Variants in DSP observed in about 807,000 individuals in gnomAD.
DSP encodes desmoplakin, also known as 250/210 kDa paraneoplastic pemphigus antigen.
Under a neutral mutation model 290.6 loss-of-function variants are expected in DSP, and 114 were observed. The observed-to-expected ratio is 0.39, with a 90% CI of 0.34 to 0.46. DSP has a LOEUF of 0.46. Among genes scored for constraint, DSP ranks in the 20% least tolerant of loss-of-function variants. DSP has a pLI of 0.99. For missense variants in DSP, 3,230 were observed against 3,495.8 expected, an observed-to-expected ratio of 0.92 and a Z score of 1.92; for synonymous variants, 1,311 against 1,316.4, an observed-to-expected ratio of 1.00 and a Z score of 0.09.
chr6:7,559,467 A>C (rs1182518287), intron 4 of DSP, 67 bp downstream of exon 4: 3 of 1,601,126 alleles, frequency 1.9e-6, no homozygotes, highest in Admixed American at 3.4e-5. Flanking sequence ...GGGTCAGCCC[A>C]TGTGTTTGTG....
Position 7,584,836 on chromosome 6 carries a change from G to T in DSP, c.7574G>T (p.Gly2525Val). 6.2e-7 allele frequency: 1 copy of T among 1,614,170 alleles called. No homozygotes were observed. Among genetic ancestry groups the T allele is most frequent in the Non-Finnish European group, 8.5e-7 (1 of 1,180,024 alleles). ...GTGGTCCTGGTAGATAGAAAGACAG[G>T]CAGTCAGTATGATATTCAAGATGCT... is the stretch of plus-strand genomic sequence containing the variant. ...TRVVLVDRKT[G>V]SQYDIQDAID... is the part of the protein sequence containing the mutation. The change falls in exon 24 of 24, where the codon GGC becomes GTC. Residue 2525 changes from glycine (G) to valine (V), a missense_variant. Physicochemically the swap from Gly to Val is moderately radical, Grantham distance 109. This residue lies in a region of DSP where 582 missense variants were observed against 555.4 expected (regional missense o/e 1.05). Transcript: ENST00000379802. This position sits in a 1 kb window ranked among gnomAD's most constrained non-coding sequence, Gnocchi z 6.4.
chr6:7,577,979 C>T (rs1298879970), intron 21 of DSP, 93 bp downstream of exon 21: 12 of 1,020,840 alleles, frequency 1.2e-5, no homozygotes, highest in Non-Finnish European at 1.8e-5. Context: ...TCCCTGTCTC[C>T]TGCCTGTCTT....
chr6:7,565,371 G>C lies in DSP; in HGVS notation c.790G>C (p.Glu264Gln). ...ACCTCCTGTGCAGAAAGCGTCCTTT[G>C]AGAGGATGGATCACCTGCGACAGCT... The part of the protein sequence containing the change: ...EYENLLKASF[E>Q]RMDHLRQLQN... The change falls in exon 7 of 24, where the codon GAG becomes CAG. Residue 264 changes from glutamate (E) to glutamine (Q), a missense_variant. Coordinates refer to ENST00000379802, the MANE Select transcript of DSP (RefSeq NM_004415.4). This position sits in a 1 kb window ranked among gnomAD's most constrained non-coding sequence, Gnocchi z 4.2. The C allele has an allele frequency of 1.2e-6, 2 of 1,614,052 alleles. No homozygotes were observed. The highest frequency in any genetic ancestry group is 8.5e-7 in the Non-Finnish European group (1 of 1,180,014).
rs779233408 is a variant in DSP at position 7,581,176 on chromosome 6, G to A, written c.4986G>A (p.Glu1662=). ...EELRRLSSEV[E]ALRRQLLQEQ... is the part of the protein sequence containing the mutation. ...TGAGGAGGCTCTCTTCTGAGGTCGAGGCCCTGAGGCGGCAGTTACTCCAGG... is the reference window on the plus strand; with the variant it reads ...TGAGGAGGCTCTCTTCTGAGGTCGAAGCCCTGAGGCGGCAGTTACTCCAGG... The change falls in exon 23 of 24, where the codon GAG becomes GAA. Residue 1662 remains glutamate (E), a synonymous_variant. Transcript: ENST00000379802. 2 of 1,614,178 alleles carry A rather than the reference G, an allele frequency of 1.2e-6. No homozygotes were observed. Among genetic ancestry groups the A allele is most frequent in the South Asian group, 1.1e-5 (1 of 91,088 alleles).
In DSP at chr6:7,580,942, G is replaced by A. The variant is rs201213622; in HGVS notation, c.4752G>A (p.Ala1584=). ...AGCTGAATCGGCTGAAGAGGACCGC[G>A]TCAGAAGACTCCTGCAAGAGGAAGA... The part of the protein sequence containing the change: ...EEELNRLKRT[A]SEDSCKRKKL... The change falls in exon 23 of 24, where the codon GCG becomes GCA. Residue 1584 remains alanine (A), a synonymous_variant. Transcript: ENST00000379802. This position sits in a 1 kb window ranked among gnomAD's most constrained non-coding sequence, Gnocchi z 4.2. 57 of 1,614,120 alleles carry A rather than the reference G, an allele frequency of 3.5e-5. No individual in the cohort carries two copies. The East Asian group carries it at 4.0e-4, about 11-fold the overall frequency.
chr6:7,552,451 T>TA (rs1269803944), intron 1 of DSP, among the ~76,000 whole-genome samples: 2 of 150,656 alleles, frequency 1.3e-5, no homozygotes, highest in African/African-American at 4.9e-5. Flanking sequence ...TAGTCCCAGC[T>TA]ACTCCAGAGG....
chr6:7,567,260 C>T, intron 8 of DSP, 94 bp from the exon 9 acceptor site: 2 of 993,746 alleles, frequency 2.0e-6, no homozygotes, highest in Admixed American at 3.4e-5. Context: ...ATAAAAACTG[C>T]TTACTAGCTT....
intron 1 of DSP, 146 bp downstream of exon 1, chr6:7,542,231 G>T (rs1175979628): frequency 8.8e-7 from 1 of 1,137,886 alleles, no homozygotes; most frequent in Non-Finnish European, 1.2e-6. Context: ...GCCGCGCTGG[G>T]AGCAGGACCG....
At chr6:7,560,511 G>A (rs1758648216) in intron 4 of DSP, among the ~76,000 whole-genome samples, 1 of 152,190 alleles carries the variant, frequency 6.6e-6, no homozygotes, top group African/African-American at 2.4e-5. Context: ...CACATTTCTT[G>A]AGGATTTTAT....
intron 2 of DSP, among the ~76,000 whole-genome samples, chr6:7,557,709 A>G (rs1758541574): frequency 6.6e-6 from 1 of 152,100 alleles, no homozygotes; most frequent in Non-Finnish European, 1.5e-5. Context: ...TAAAAAAAGA[A>G]CTAAAACATT....
rs1220579806 is a variant in DSP at position 7,574,120 on chromosome 6, T to C, written c.2165T>C (p.Val722Ala). 6.2e-7 allele frequency: 1 copy of C among 1,614,118 alleles called. No homozygotes were observed. The highest frequency in any genetic ancestry group is 1.1e-5 in the South Asian group (1 of 91,080). ...VQNDSQAIAEVLNQLKDMLAN... is the reference protein window; with the variant it reads ...VQNDSQAIAEALNQLKDMLAN... ...AATGATTCACAAGCAATTGCTGAGG[T>C]TCTCAACCAGCTTAAAGATATGCTT... Residue 722 changes from valine to alanine, a missense_variant, in exon 16 of 24, where the codon GTT becomes GCT. This residue lies in a region of DSP where 1,714 missense variants were observed against 1,844.5 expected (regional missense o/e 0.93). Coordinates refer to ENST00000379802, the MANE Select transcript of DSP (RefSeq NM_004415.4).
chr6:7,555,303 A>C (rs1758474427), intron 1 of DSP, among the ~76,000 whole-genome samples: 1 of 152,144 alleles, frequency 6.6e-6, no homozygotes, highest in Non-Finnish European at 1.5e-5. Flanking sequence ...GTCAATTGTA[A>C]ATTTTCTGCT....
Position 7,586,214 on chromosome 6 carries a change from C to A in DSP, c.*336C>A. The A allele has an allele frequency of 4.9e-6, 1 of 204,712 alleles. No homozygotes were observed. Among genetic ancestry groups the A allele is most frequent in the Non-Finnish European group, 9.9e-6 (1 of 101,250 alleles). 12.7% of individuals were successfully genotyped at this position (204,712 alleles called of 1,614,324 possible). ...TTTTGGAAGCCTATAATACAGTTTT[C>A]TATTCTTGGAGATAAAAATTAAATG... On this transcript the variant is annotated 3_prime_UTR_variant, in exon 24 of 24. Coordinates refer to ENST00000379802, the MANE Select transcript of DSP (RefSeq NM_004415.4).
intron 3 of DSP, among the ~76,000 whole-genome samples, chr6:7,558,753 A>G (rs1342712999): frequency 2.6e-5 from 4 of 152,116 alleles, no homozygotes; most frequent in African/African-American, 7.2e-5. Context: ...GGCTCAAGCA[A>G]TCCTCCGTCT....
At position 7,567,868 on chromosome 6, in the gene DSP, C is replaced by G; in HGVS notation, c.1228C>G (p.Pro410Ala). ...GAAGTACCCCTGCGACAAGAACATG[C>G]CCCTGCAGCACCTGCTGGAACAGAT... ...RKKYPCDKNM[P>A]LQHLLEQIKE... The change falls in exon 10 of 24, where the codon CCC (proline) becomes GCC (alanine). Residue 410 changes from proline (P) to alanine (A), a missense_variant. Physicochemically the swap from Pro to Ala is conservative, Grantham distance 27. This residue lies in a region of DSP where 646 missense variants were observed against 684.3 expected (regional missense o/e 0.94). Coordinates refer to ENST00000379802, the MANE Select transcript of DSP (RefSeq NM_004415.4). 1 of 1,613,996 alleles carries G rather than the reference C, an allele frequency of 6.2e-7. No homozygotes were observed. Among genetic ancestry groups the G allele is most frequent in the Non-Finnish European group, 8.5e-7 (1 of 1,179,934 alleles).
In DSP at chr6:7,565,891, G is replaced by A. The variant is rs368412493; in HGVS notation, c.939+371G>A. 1.1e-5 allele frequency: 4 copies of A among 355,034 alleles called. No homozygotes were observed. Among genetic ancestry groups the A allele is most frequent in the East Asian group, 1.4e-4 (2 of 14,384 alleles). 22.0% of individuals were successfully genotyped at this position (355,034 alleles called of 1,614,324 possible). On this transcript the variant is annotated intron_variant, in intron 7 of 23. Coordinates refer to ENST00000379802, the MANE Select transcript of DSP (RefSeq NM_004415.4). The surrounding 1 kb of genome is among the most constrained non-coding windows in gnomAD (Gnocchi z 4.2). ...TAACTAATGGGTACTAGGCTTAATC[G>A]TGGGTGATGAAATAACCTGTACAAC...
At position 7,579,313 on chromosome 6, in the gene DSP, C is replaced by T. The variant is rs149929637; in HGVS notation, c.3123C>T (p.Leu1041=). Residue 1041 remains leucine (L), a synonymous_variant, in exon 23 of 24, where the codon CTC becomes CTT. Transcript: ENST00000379802. This position sits in a 1 kb window ranked among gnomAD's most constrained non-coding sequence, Gnocchi z 4.1. ...NTKIEVLEEE[L]RLARDANSEN... ...AGATCGAAGTTTTGGAAGAGGAGCT[C>T]AGACTGGCCCGAGATGCCAACTCGG... The T allele has an allele frequency of 7.8e-4, 1,261 of 1,614,148 alleles. 1 individual carries two copies. The highest frequency in any genetic ancestry group is 1.0e-3 in the Non-Finnish European group (1,179 of 1,180,026).
rs1192489784 is a variant in DSP, at chr6:7,581,429, G to A, written c.5239G>A (p.Ala1747Thr). 42 of 1,612,870 alleles carry A rather than the reference G, an allele frequency of 2.6e-5. No individual in the cohort carries two copies. In the Admixed American group the frequency reaches 7.0e-4, roughly 27 times the overall value. The change falls in exon 23 of 24, where the codon GCA becomes ACA. Residue 1747 changes from alanine (A) to threonine (T), a missense_variant. By Grantham distance (58) the Ala-to-Thr change is moderately conservative (BLOSUM62 0). Coordinates refer to ENST00000379802, the MANE Select transcript of DSP (RefSeq NM_004415.4). ...GRSEADSDKNATILELRSQLQ... is the reference protein window; with the variant it reads ...GRSEADSDKNTTILELRSQLQ... ...AAGCGAAGCGGACAGTGATAAAAAT[G>A]CAACCATCTTGGAACTAAGGAGCCA...
At position 7,582,653 on chromosome 6, in the gene DSP, G is replaced by C. The variant is rs778745098; in HGVS notation, c.5391G>C (p.Arg1797Ser). The C allele has an allele frequency of 6.2e-7, 1 of 1,613,112 alleles. No homozygotes were observed. Among genetic ancestry groups the C allele is most frequent in the Non-Finnish European group, 8.5e-7 (1 of 1,179,560 alleles). ...FQKQALEASN[R>S]IQESKNQCTQ... ...TTCTTCAATTCCAGGCATCTAATAG[G>C]ATTCAGGAATCAAAGAATCAGTGTA... Residue 1797 changes from arginine (R) to serine (S), a missense_variant, in exon 24 of 24, where the codon AGG becomes AGC. By Grantham distance (110) the Arg-to-Ser change is moderately radical. Coordinates refer to ENST00000379802, the MANE Select transcript of DSP (RefSeq NM_004415.4). This position sits in a 1 kb window ranked among gnomAD's most constrained non-coding sequence, Gnocchi z 4.2.
Sources: gnomAD v4.1 joint callset for allele counts (sites outside exome capture counted in the v4.1 genomes callset) on GRCh38, gnomAD v4.1.1 for gene constraint, gnomAD v4.1.1 regional missense constraint, Gnocchi (gnomAD v3.1) non-coding constraint, MANE v1.5 for transcripts, NCBI Gene and HGNC (gene_info 2026-07-23, HGNC 2026-07-21) for gene names.